The following PPP6R3 variants were observed in gnomAD, a reference collection of about 807,000 sequenced individuals.
PPP6R3 encodes serine/threonine-protein phosphatase 6 regulatory subunit 3.
In PPP6R3, 38 loss-of-function variants were observed where a neutral mutation model predicts 110.7. That is an observed-to-expected ratio of 0.34 (90% confidence interval 0.26 to 0.45). PPP6R3 has a LOEUF of 0.45. Among genes scored for constraint, PPP6R3 ranks in the 20% least tolerant of loss-of-function variants. The pLI is 1.00. For synonymous variants in PPP6R3, 369 were observed against 373.5 expected (o/e 0.99, Z 0.14); for missense variants, 870 against 1,062.4 (o/e 0.82, Z 2.52).
chr11:68,565,195 G>T (rs2099456648), intron 9 of PPP6R3, among the ~76,000 whole-genome samples: 1 of 151,964 alleles, frequency 6.6e-6, no homozygotes, highest in Admixed American at 6.5e-5. Context: ...TTGTAAATTA[G>T]ATGTTTTCTG....
chr11:68,523,584 C>G (rs184111907), intron 2 of PPP6R3, among the ~76,000 whole-genome samples: 1 of 152,176 alleles, frequency 6.6e-6, no homozygotes, highest in East Asian at 1.9e-4. Flanking sequence ...TGGAACTACA[C>G]TCAGTACCTT....
chr11:68,548,251 A>C (rs1565763217), intron 5 of PPP6R3, 47 bp downstream of exon 5: 32 of 1,605,536 alleles, frequency 2.0e-5, no homozygotes, highest in Non-Finnish European at 2.7e-5. Context: ...GGGTGCTGGC[A>C]TGTGAGCCCA....
At position 68,551,822 on chromosome 11, in the gene PPP6R3, T is replaced by C. The variant is rs149088223; in HGVS notation, c.618+636T>C. 4.6e-5 allele frequency among the ~76,000 whole-genome samples: 7 copies of C among 152,330 alleles called. No individual in the cohort carries two copies. In the East Asian group the frequency reaches 1.4e-3, roughly 29 times the overall value. ...TTTTATACCCATCTGTAGCAGTTGATGTGGCCACATTTGCATTTGTTTTAT... is the reference window on the plus strand; with the variant it reads ...TTTTATACCCATCTGTAGCAGTTGACGTGGCCACATTTGCATTTGTTTTAT... On this transcript the variant is annotated intron_variant, in intron 6 of 23. Transcript: ENST00000393800.
chr11:68,585,456 G>T (rs1297953617), intron 15 of PPP6R3, among the ~76,000 whole-genome samples: 1 of 152,214 alleles, frequency 6.6e-6, no homozygotes, highest in Non-Finnish European at 1.5e-5. Flanking sequence ...GACTTGAACA[G>T]TTTCTGACTT....
At chr11:68,490,852 T>C (rs71459701) in intron 1 of PPP6R3, among the ~76,000 whole-genome samples, 1 of 152,190 alleles carries the variant, frequency 6.6e-6, no homozygotes, top group Non-Finnish European at 1.5e-5. Flanking sequence ...TTCTTGCTTG[T>C]TGTCTGCCTT....
intron 2 of PPP6R3, among the ~76,000 whole-genome samples, chr11:68,536,596 A>G (rs762974891): frequency 6.6e-6 from 1 of 152,184 alleles, no homozygotes; most frequent in Non-Finnish European, 1.5e-5. Flanking sequence ...AATGTGTGCT[A>G]TACATGGATT....
rs1257915211 is a variant in PPP6R3 at position 68,613,613 on chromosome 11, T to A, written c.*496T>A. On this transcript the variant is annotated 3_prime_UTR_variant, in exon 24 of 24. Transcript: ENST00000393800. Reference sequence around the variant, plus strand: ...TAGAATGAAAATGCCCTCTAAGTGTTATTTTGGTTGTTCTAACTTACAAAA... The same window carrying A: ...TAGAATGAAAATGCCCTCTAAGTGTAATTTTGGTTGTTCTAACTTACAAAA... The A allele has an allele frequency of 1.0e-6, 1 of 985,936 alleles. No homozygotes were observed. The allele number at this position is 985,936 out of a possible 1,614,324, so 61.1% of individuals were successfully genotyped here. A position where few individuals can be genotyped will look rare whatever the true frequency, so the allele number is the denominator to read the frequency against.
chr11:68,602,576 T>C (rs2099635167), intron 21 of PPP6R3, among the ~76,000 whole-genome samples: 1 of 152,126 alleles, frequency 6.6e-6, no homozygotes, highest in African/African-American at 2.4e-5. Flanking sequence ...TGAGGTGGGC[T>C]TAAGGAGTGA....
intron 3 of PPP6R3, among the ~76,000 whole-genome samples, chr11:68,542,399 T>TTTTTTTTTTTTTTTC (rs2099323794): frequency 9.1e-6 from 1 of 109,366 alleles, no homozygotes; most frequent in African/African-American, 3.6e-5. Context: ...GTTTTTTTTT[T>TTTTTTTTTTTTTTTC]TTTTTTTTTT....
At chr11:68,583,787 A>G (rs769959027) in intron 15 of PPP6R3, among the ~76,000 whole-genome samples, 24 of 152,232 alleles carry the variant, frequency 1.6e-4, no homozygotes, top group Non-Finnish European at 2.9e-4. Context: ...GCCCTTTTGC[A>G]GGCTATCAGC....
intron 1 of PPP6R3, among the ~76,000 whole-genome samples, chr11:68,464,280 C>T (rs1442607188): frequency 3.3e-5 from 5 of 152,184 alleles, no homozygotes; most frequent in East Asian, 3.9e-4. Context: ...TACAGGCACC[C>T]GCCACCATGC....
chr11:68,527,703 G>A (rs1379402887), intron 2 of PPP6R3, among the ~76,000 whole-genome samples: 5 of 152,202 alleles, frequency 3.3e-5, no homozygotes, highest in Non-Finnish European at 5.9e-5. Context: ...AAAACTCACT[G>A]GATCTGTCTG....
intron 2 of PPP6R3, among the ~76,000 whole-genome samples, chr11:68,529,077 GT>G (rs1285825671): frequency 6.6e-6 from 1 of 152,166 alleles, no homozygotes; most frequent in African/African-American, 2.4e-5. Flanking sequence ...GAGAATTCTA[GT>G]TTTTTGTCCA....
chr11:68,596,246 T>C (rs1364839794), intron 19 of PPP6R3, 28 bp downstream of exon 19: 4 of 1,613,814 alleles, frequency 2.5e-6, no homozygotes, highest in Non-Finnish European at 2.5e-6. Context: ...TCAGATCAGC[T>C]GCCCTGTGTT....
chr11:68,497,779 T>C (rs550717712), intron 1 of PPP6R3, among the ~76,000 whole-genome samples: 2 of 152,348 alleles, frequency 1.3e-5, no homozygotes, highest in South Asian at 4.1e-4. Context: ...CAATTTATCT[T>C]ATTTTTCTTT....
At chr11:68,595,354 T>TA (rs1420994755) in intron 18 of PPP6R3, among the ~76,000 whole-genome samples, 3 of 151,862 alleles carry the variant, frequency 2.0e-5, no homozygotes, top group South Asian at 2.1e-4. Context: ...TAGCTGGAAT[T>TA]ACAGGTGCCC....
chr11:68,471,173 A>G (rs1384560211), intron 1 of PPP6R3, among the ~76,000 whole-genome samples: 1 of 150,608 alleles, frequency 6.6e-6, no homozygotes, highest in African/African-American at 2.5e-5. Flanking sequence ...AGTTCCAGCT[A>G]CTCTGGAAGC....
At position 68,560,365 on chromosome 11, in the gene PPP6R3, G is replaced by C. The variant is rs146767325; in HGVS notation, c.845+1686G>C. ...CAAATTACAAATAATAGGAATGACT[G>C]TGTGCTATGGACTTTAACACTGTTT... On this transcript the variant is annotated intron_variant, in intron 8 of 23. Coordinates refer to ENST00000393800, the MANE Select transcript of PPP6R3 (RefSeq NM_001164161.2). 5.9e-5 allele frequency among the ~76,000 whole-genome samples: 9 copies of C among 152,320 alleles called. No individual in the cohort carries two copies. The South Asian group carries it at 1.9e-3, about 32-fold the overall frequency.
intron 1 of PPP6R3, among the ~76,000 whole-genome samples, chr11:68,475,518 A>G (rs576319020): frequency 0.011 from 1,591 of 151,162 alleles, 26 homozygotes; most frequent in Non-Finnish European, 1.0e-2. Context: ...CACCTCCCGG[A>G]CGGGGCAGCG....
Sources: allele counts gnomAD v4.1 joint callset (sites outside exome capture counted in the v4.1 genomes callset), GRCh38; gene constraint gnomAD v4.1.1; transcripts MANE v1.5; gene names NCBI Gene and HGNC (gene_info 2026-07-23, HGNC 2026-07-21).